RFX3: variants seen among roughly 807,000 people sequenced by gnomAD.
The protein encoded by RFX3 is transcription factor RFX3.
RFX3 carries 14 observed loss-of-function variants against 98.6 expected under a neutral mutation model. That is an observed-to-expected ratio of 0.14 (90% confidence interval 0.09 to 0.22). The LOEUF is 0.22. RFX3 is among the 10% of genes least tolerant of loss of function. The pLI is 1.00. For synonymous variants in RFX3, 383 were observed against 328.4 expected (o/e 1.17, Z -1.80); for missense variants, 639 against 926.9 (o/e 0.69, Z 4.03).
At chr9:3,497,917 T>A (rs1352506711) in intron 1 of RFX3, among the ~76,000 whole-genome samples, 1 of 152,016 alleles carries the variant, frequency 6.6e-6, no homozygotes, top group East Asian at 1.9e-4. Context: ...TGCTCTTTAC[T>A]GTAATTGCCC....
At chr9:3,272,784 A>G (rs906683597) in intron 9 of RFX3, among the ~76,000 whole-genome samples, 3 of 152,206 alleles carry the variant, frequency 2.0e-5, no homozygotes. Context: ...ATATTTCAGC[A>G]ACTTGTATAA....
At chr9:3,232,797 AG>A in intron 15 of RFX3, among the ~76,000 whole-genome samples, 1 of 143,530 alleles carries the variant, frequency 7.0e-6, no homozygotes, top group African/African-American at 2.5e-5. Context: ...AGAGAGAGAG[AG>A]AGAAATGGGA....
At chr9:3,468,424 T>C (rs1848495142) in intron 1 of RFX3, among the ~76,000 whole-genome samples, 3 of 152,210 alleles carry the variant, frequency 2.0e-5, no homozygotes, top group Admixed American at 2.0e-4. Flanking sequence ...TTCATGAATC[T>C]GCTCTACAAT....
chr9:3,286,212 G>A (rs17715280), intron 7 of RFX3, among the ~76,000 whole-genome samples: 1 of 151,870 alleles, frequency 6.6e-6, no homozygotes, highest in East Asian at 1.9e-4. Flanking sequence ...AAAAAGTAAA[G>A]GCTACAAGTG....
intron 11 of RFX3, among the ~76,000 whole-genome samples, chr9:3,267,126 T>C (rs1374232357): frequency 1.3e-5 from 2 of 151,994 alleles, no homozygotes; most frequent in African/African-American, 2.4e-5. Flanking sequence ...TGCTATATAG[T>C]AGGAGACAGA....
chr9:3,400,752 G>T (rs145904607), intron 1 of RFX3, among the ~76,000 whole-genome samples: 1 of 152,258 alleles, frequency 6.6e-6, no homozygotes, highest in Non-Finnish European at 1.5e-5. Context: ...TTTTCCTGGT[G>T]CCAGGCACTA....
chr9:3,426,897 T>C (rs904869562), intron 1 of RFX3, among the ~76,000 whole-genome samples: 2 of 152,092 alleles, frequency 1.3e-5, no homozygotes, highest in African/African-American at 4.8e-5. Context: ...ATTTGAATCA[T>C]TCCTCCACCC....
intron 2 of RFX3, among the ~76,000 whole-genome samples, chr9:3,385,631 C>T (rs1839627885): frequency 6.7e-6 from 1 of 150,238 alleles, no homozygotes; most frequent in African/African-American, 2.5e-5. Context: ...TCACTTGAAC[C>T]CAGGAGGCAG....
chr9:3,307,475 G>C (rs1310200145), intron 4 of RFX3, among the ~76,000 whole-genome samples: 2 of 152,108 alleles, frequency 1.3e-5, no homozygotes, highest in Non-Finnish European at 2.9e-5. Context: ...AATAGTCCAG[G>C]ATTGAGGTGA....
At chr9:3,491,262 GC>G (rs1850697040) in intron 1 of RFX3, among the ~76,000 whole-genome samples, 1 of 152,074 alleles carries the variant, frequency 6.6e-6, no homozygotes, top group Admixed American at 6.5e-5. Context: ...ACAGGTGTTT[GC>G]TGTGTATTTA....
At chr9:3,263,790 C>A (rs575870313) in intron 12 of RFX3, among the ~76,000 whole-genome samples, 3 of 152,190 alleles carry the variant, frequency 2.0e-5, no homozygotes, top group African/African-American at 7.2e-5. Flanking sequence ...TTAACCTCCC[C>A]TCTTGTTCTC....
intron 16 of RFX3, among the ~76,000 whole-genome samples, chr9:3,227,900 C>T (rs657422): frequency 0.99 from 150,294 of 152,250 alleles, 74,212 homozygotes; most frequent in Middle Eastern, 1. Context: ...CGAATAGCGC[C>T]GAACCTCTTT....
chr9:3,327,940 C>G (rs1002951319), intron 4 of RFX3, among the ~76,000 whole-genome samples: 1 of 151,860 alleles, frequency 6.6e-6, no homozygotes, highest in East Asian at 1.9e-4. Context: ...AGCAATGCAA[C>G]TGTATTTACA....
intron 3 of RFX3, among the ~76,000 whole-genome samples, chr9:3,332,488 T>G (rs527645289): frequency 2.0e-5 from 3 of 152,308 alleles, no homozygotes; most frequent in East Asian, 3.9e-4. Context: ...GATTTTGCAT[T>G]AGGGATGATC....
At chr9:3,470,591 T>G (rs111236320) in intron 1 of RFX3, among the ~76,000 whole-genome samples, 85 of 151,834 alleles carry the variant, frequency 5.6e-4, no homozygotes, top group African/African-American at 2.0e-3. Flanking sequence ...CCTCCCAGAG[T>G]GCTGGGATTA....
At chr9:3,443,401 T>C (rs553310695) in intron 1 of RFX3, among the ~76,000 whole-genome samples, 3 of 152,278 alleles carry the variant, frequency 2.0e-5, no homozygotes, top group Admixed American at 1.3e-4. Context: ...TTCCCCTCCA[T>C]GTGTCCATGC....
chr9:3,515,887 C>T (rs185243781), intron 1 of RFX3, among the ~76,000 whole-genome samples: 1 of 152,192 alleles, frequency 6.6e-6, no homozygotes, highest in East Asian at 1.9e-4. Flanking sequence ...TCAATAATTA[C>T]AATCTAAGCT....
rs752022806 is a variant in RFX3, at chr9:3,414,523, ATGTG to A, written c.-8-18931_-8-18928del. ...TATACATATATAAGAGTATATATATATGTGTGTGTGTGTATATATATGAGTGTGT... is the reference window on the plus strand; with the variant it reads ...TATACATATATAAGAGTATATATATATGTGTGTGTATATATATGAGTGTGT... On this transcript the variant is annotated intron_variant, in intron 1 of 16. Transcript: ENST00000617270. Among the ~76,000 whole-genome samples the A allele has an allele frequency of 3.2e-4, 48 of 149,970 alleles. 1 individual carries two copies. Among genetic ancestry groups the A allele is most frequent in the Admixed American group, 1.7e-3 (26 of 14,910 alleles).
At chr9:3,301,432 A>C (rs532789412) in intron 5 of RFX3, 114 bp downstream of exon 5, 1 of 651,828 alleles carries the variant, frequency 1.5e-6, no homozygotes, top group African/African-American at 1.8e-5. Context: ...GGGGCTGAGA[A>C]GGGAAGGTTA....
Sources: allele counts gnomAD v4.1 joint callset (sites outside exome capture counted in the v4.1 genomes callset), GRCh38; gene constraint gnomAD v4.1.1; transcripts MANE v1.5; gene names NCBI Gene and HGNC (gene_info 2026-07-23, HGNC 2026-07-21).